The following GC variants were observed in gnomAD, a reference collection of about 807,000 sequenced individuals.
GC encodes the protein vitamin D-binding protein.
Under a neutral mutation model 56.7 loss-of-function variants are expected in GC, and 43 were observed. That is an observed-to-expected ratio of 0.76 (90% CI 0.59 to 0.98). GC has a LOEUF of 0.98. Ranked by LOEUF, GC falls within the 50% of genes least tolerant of loss-of-function variation. The probability of loss-of-function intolerance (pLI) is 0.00; values close to 1 mark genes in which losing one functional copy is unlikely to be tolerated. For synonymous variants in GC, 216 were observed against 202.7 expected (o/e 1.07, Z -0.56); for missense variants, 529 against 545.9 (o/e 0.97, Z 0.31).
chr4:71,778,213 T>G (rs1202421050), intron 1 of GC, among the ~76,000 whole-genome samples: 1 of 151,882 alleles, frequency 6.6e-6, no homozygotes, highest in Non-Finnish European at 1.5e-5. Context: ...AAACACAATT[T>G]GTTAAATGTA....
At chr4:71,746,231 T>C in intron 11 of GC, 26 bp from the exon 12 acceptor site, 1 of 1,094,680 alleles carries the variant, frequency 9.1e-7, no homozygotes, top group Non-Finnish European at 1.4e-6. Flanking sequence ...GAATGTTATA[T>C]AACTTATGAA....
chr4:71,754,237 T>G (rs963648214), intron 10 of GC, among the ~76,000 whole-genome samples, 174 bp downstream of exon 10: 19 of 152,134 alleles, frequency 1.2e-4, no homozygotes, highest in African/African-American at 4.3e-4. Flanking sequence ...GGGTCTCCAG[T>G]GTCTATTATT....
chr4:71,749,656 A>G (rs1430023311), intron 11 of GC, among the ~76,000 whole-genome samples: 2 of 152,214 alleles, frequency 1.3e-5, no homozygotes, highest in Admixed American at 1.3e-4. Context: ...GCAACTTGGT[A>G]TGAAAAGAAA....
chr4:71,797,794 C>T (rs1437840683), intron 1 of GC, among the ~76,000 whole-genome samples: 1 of 152,216 alleles, frequency 6.6e-6, no homozygotes, highest in African/African-American at 2.4e-5. Flanking sequence ...TCCCATTCGG[C>T]CATCTTGAAT....
chr4:71,801,292 T>G (rs950014072), intron 1 of GC, among the ~76,000 whole-genome samples: 1 of 152,194 alleles, frequency 6.6e-6, no homozygotes, highest in East Asian at 1.9e-4. Flanking sequence ...TTACACCTAT[T>G]AGAATGACTA....
upstream of GC, chr4:71,784,218 A>G: frequency 7.9e-7 from 1 of 1,268,378 alleles, no homozygotes; most frequent in Non-Finnish European, 1.0e-6. Flanking sequence ...AGATAAAATA[A>G]TATCAATCAA....
chr4:71,745,808 T>C (rs1289267458), intron 12 of GC, among the ~76,000 whole-genome samples: 4 of 152,180 alleles, frequency 2.6e-5, no homozygotes, highest in Non-Finnish European at 4.4e-5. Flanking sequence ...TTTTAAGACT[T>C]GATGAGCCCT....
intron 6 of GC, among the ~76,000 whole-genome samples, chr4:71,758,526 A>T (rs940452064): frequency 6.6e-6 from 1 of 152,206 alleles, no homozygotes; most frequent in Non-Finnish European, 1.5e-5. Context: ...GGCCTCTCAC[A>T]GAGTTGTAAA....
chr4:71,773,490 T>C (rs62302166), intron 1 of GC, among the ~76,000 whole-genome samples: 5 of 152,194 alleles, frequency 3.3e-5, no homozygotes, highest in African/African-American at 4.8e-5. Flanking sequence ...GGTTCAATAT[T>C]GAATTTGAAC....
intron 1 of GC, among the ~76,000 whole-genome samples, chr4:71,773,359 T>A (rs1742402438): frequency 6.6e-6 from 1 of 152,098 alleles, no homozygotes; most frequent in East Asian, 1.9e-4. Flanking sequence ...TGAAAGCCAG[T>A]GTGATTTATT....
intron 1 of GC, among the ~76,000 whole-genome samples, chr4:71,802,865 C>T (rs996017105): frequency 2.0e-5 from 3 of 152,174 alleles, no homozygotes; most frequent in African/African-American, 4.8e-5. Flanking sequence ...GTGCTTTGGA[C>T]TTAATGATAT....
At chr4:71,795,716 T>C (rs1277063008) in intron 1 of GC, among the ~76,000 whole-genome samples, 1 of 152,216 alleles carries the variant, frequency 6.6e-6, no homozygotes, top group Non-Finnish European at 1.5e-5. Context: ...TAGCTAGTTA[T>C]TGTGCCTGTT....
At chr4:71,776,407 CA>C (rs1302751968) in intron 1 of GC, among the ~76,000 whole-genome samples, 1 of 151,272 alleles carries the variant, frequency 6.6e-6, no homozygotes, top group Non-Finnish European at 1.5e-5. Flanking sequence ...AAGCCAGGTA[CA>C]GAAAGAAAAA....
intron 2 of GC, 38 bp downstream of exon 2, chr4:71,769,293 C>A: frequency 6.8e-7 from 1 of 1,462,780 alleles, no homozygotes. Context: ...TGTTCAAGAT[C>A]AAATCACCAA....
chr4:71,788,777 C>T (rs1055384154), upstream of GC, among the ~76,000 whole-genome samples: 7 of 151,898 alleles, frequency 4.6e-5, no homozygotes, highest in African/African-American at 1.7e-4. Flanking sequence ...TTATATGAGA[C>T]TTAGCTGATA....
chr4:71,756,474 C>T (rs995179561), intron 8 of GC, among the ~76,000 whole-genome samples: 1 of 152,216 alleles, frequency 6.6e-6, no homozygotes, highest in Non-Finnish European at 1.5e-5. Context: ...CAATTAGGAA[C>T]TCTAAGCTCC....
intron 1 of GC, among the ~76,000 whole-genome samples, chr4:71,771,931 A>C (rs1197158679): frequency 1.3e-5 from 2 of 152,186 alleles, no homozygotes; most frequent in Non-Finnish European, 2.9e-5. Context: ...CTCCTAAAGC[A>C]GAGCTAGGAG....
At chr4:71,801,177 T>C (rs1743239200) in intron 1 of GC, among the ~76,000 whole-genome samples, 1 of 152,200 alleles carries the variant, frequency 6.6e-6, no homozygotes, top group Non-Finnish European at 1.5e-5. Context: ...AGGATCTGAA[T>C]AGATATTTCT....
chr4:71,751,114 A>G (rs1034326378), intron 11 of GC, among the ~76,000 whole-genome samples: 1 of 152,144 alleles, frequency 6.6e-6, no homozygotes, highest in African/African-American at 2.4e-5. Flanking sequence ...TGACTCTTCT[A>G]AAAAAATGAA....
Sources: allele counts gnomAD v4.1 joint callset (sites outside exome capture counted in the v4.1 genomes callset), GRCh38; gene constraint gnomAD v4.1.1; transcripts MANE v1.5; gene names NCBI Gene and HGNC (gene_info 2026-07-23, HGNC 2026-07-21).